ANKRD31: variants seen among roughly 807,000 people sequenced by gnomAD.
ANKRD31 encodes ankyrin repeat domain 31.
ANKRD31 carries 147 observed loss-of-function variants against 186.0 expected under a neutral mutation model. That is an observed-to-expected ratio of 0.79 (90% CI 0.69 to 0.91). The LOEUF is 0.91. ANKRD31 is among the 40% of genes least tolerant of loss of function. The pLI, the probability that ANKRD31 is intolerant of heterozygous loss-of-function variation, is 0.00. For synonymous variants in ANKRD31, 673 were observed against 736.4 expected (o/e 0.91, Z 1.39); for missense variants, 1,986 against 2,148.8 (o/e 0.92, Z 1.50).
At position 75,114,444 on chromosome 5, in the gene ANKRD31, C is replaced by T. The variant is rs141401078; in HGVS notation, c.4156-1844G>A. ...TTAACCACATAGCATAACTTCCAGCCCATTCTGTTCACCATCTTATCTTTT... is the reference window on the plus strand; with the variant it reads ...TTAACCACATAGCATAACTTCCAGCTCATTCTGTTCACCATCTTATCTTTT... On this transcript the variant is annotated intron_variant, in intron 19 of 25. Transcript: ENST00000506364. Among the ~76,000 whole-genome samples, 113 of 152,218 alleles carry T rather than the reference C, an allele frequency of 7.4e-4. 1 individual carries two copies. Among genetic ancestry groups the T allele is most frequent in the African/African-American group, 2.6e-3 (107 of 41,546 alleles).
chr5:75,149,093 C>T (rs1751683405), intron 12 of ANKRD31, among the ~76,000 whole-genome samples: 1 of 151,786 alleles, frequency 6.6e-6, no homozygotes, highest in Non-Finnish European at 1.5e-5. Flanking sequence ...ATGGAAAAGG[C>T]CAACCGTCTT....
chr5:75,097,626 C>T (rs76876641), intron 22 of ANKRD31, among the ~76,000 whole-genome samples: 77,186 of 151,976 alleles, frequency 0.51, 22,666 homozygotes, highest in African/African-American at 0.82. Flanking sequence ...ACTCTGATGG[C>T]AGTTTCTTTT....
intron 1 of ANKRD31, among the ~76,000 whole-genome samples, chr5:75,232,141 CA>C (rs1393181564): frequency 6.6e-6 from 1 of 152,126 alleles, no homozygotes; most frequent in African/African-American, 2.4e-5. Context: ...TGAATTATAC[CA>C]TAGCTATAGT....
At chr5:75,162,506 G>A (rs181512008) in intron 11 of ANKRD31, among the ~76,000 whole-genome samples, 26 of 152,268 alleles carry the variant, frequency 1.7e-4, no homozygotes, top group South Asian at 8.3e-4. Context: ...ATGAGACTTC[G>A]GACTGTGGAC....
At chr5:75,074,201 C>A (rs1473929044) in intron 25 of ANKRD31, among the ~76,000 whole-genome samples, 1 of 152,186 alleles carries the variant, frequency 6.6e-6, no homozygotes. Flanking sequence ...CATGTCAGAT[C>A]ACAAAGCATA....
intron 17 of ANKRD31, among the ~76,000 whole-genome samples, chr5:75,132,320 TAAATAACCTG>T (rs936771212): frequency 6.6e-6 from 1 of 152,112 alleles, no homozygotes; most frequent in African/African-American, 2.4e-5. Flanking sequence ...GAGAAGACCT[TAAATAACCTG>T]ATGGAGCTGA....
intron 25 of ANKRD31, among the ~76,000 whole-genome samples, chr5:75,071,863 A>G (rs114816256): frequency 0.049 from 7,529 of 152,254 alleles, 448 homozygotes; most frequent in African/African-American, 0.14. Context: ...TTTTGACACC[A>G]TGGCACTGGC....
intron 21 of ANKRD31, 28 bp downstream of exon 21, chr5:75,107,493 C>A: frequency 7.1e-7 from 1 of 1,400,234 alleles, no homozygotes; most frequent in Non-Finnish European, 9.6e-7. Context: ...AACTCAAAAG[C>A]ACTCTTTTTT....
chr5:75,223,095 G>GA (rs1239722554), intron 2 of ANKRD31, among the ~76,000 whole-genome samples: 2 of 152,146 alleles, frequency 1.3e-5, no homozygotes, highest in African/African-American at 4.8e-5. Context: ...TCACAGCCTT[G>GA]ACAGCATCTA....
intron 25 of ANKRD31, among the ~76,000 whole-genome samples, chr5:75,075,118 A>C (rs533006081): frequency 3.3e-5 from 5 of 152,224 alleles, no homozygotes; most frequent in Admixed American, 6.5e-5. Context: ...ATAACCTGTA[A>C]CTACTGCAGC....
chr5:75,200,992 G>C (rs1755789161), intron 5 of ANKRD31, among the ~76,000 whole-genome samples: 1 of 151,798 alleles, frequency 6.6e-6, no homozygotes, highest in African/African-American at 2.4e-5. Context: ...GGAATTTCAA[G>C]CATATATCTG....
intron 17 of ANKRD31, among the ~76,000 whole-genome samples, chr5:75,131,077 G>C (rs1749762313): frequency 6.6e-6 from 1 of 150,516 alleles, no homozygotes; most frequent in South Asian, 2.1e-4. Context: ...GCCAAGTGCA[G>C]GGTCCACCGA....
At chr5:75,171,168 T>A (rs1000663871) in intron 10 of ANKRD31, among the ~76,000 whole-genome samples, 1 of 151,996 alleles carries the variant, frequency 6.6e-6, no homozygotes, top group Admixed American at 6.6e-5. Flanking sequence ...AACTAAAGAA[T>A]AAACATTCAA....
chr5:75,113,419 A>G (rs1747938022), intron 19 of ANKRD31, among the ~76,000 whole-genome samples: 2 of 152,218 alleles, frequency 1.3e-5, no homozygotes, highest in African/African-American at 2.4e-5. Context: ...TCGGTGCTAC[A>G]TAATTTAACA....
At chr5:75,217,789 C>T (rs942337708) in intron 3 of ANKRD31, among the ~76,000 whole-genome samples, 6 of 152,000 alleles carry the variant, frequency 3.9e-5, no homozygotes, top group African/African-American at 7.2e-5. Context: ...TGGATTTGAT[C>T]CTGTCATCAT....
At chr5:75,114,589 CA>C (rs1321677994) in intron 19 of ANKRD31, among the ~76,000 whole-genome samples, 1 of 152,040 alleles carries the variant, frequency 6.6e-6, no homozygotes, top group Non-Finnish European at 1.5e-5. Context: ...GTACAAAAAT[CA>C]CAAGCATTCT....
intron 5 of ANKRD31, among the ~76,000 whole-genome samples, chr5:75,203,391 C>T (rs903648553): frequency 3.0e-4 from 45 of 152,026 alleles, no homozygotes; most frequent in Non-Finnish European, 3.7e-4. Context: ...AGGCCGGGCG[C>T]GGTGGCTTAC....
chr5:75,074,663 C>T (rs1380804350), intron 25 of ANKRD31, among the ~76,000 whole-genome samples: 1 of 152,184 alleles, frequency 6.6e-6, no homozygotes, highest in Non-Finnish European at 1.5e-5. Context: ...GTACACCAAA[C>T]ATCTGGGTTA....
rs1470861389 is a variant in ANKRD31, at chr5:75,068,634, G to A, written c.5678C>T (p.Pro1893Leu). 4 of 1,518,688 alleles carry A rather than the reference G, an allele frequency of 2.6e-6. No individual in the cohort carries two copies. Among genetic ancestry groups the A allele is most frequent in the Non-Finnish European group, 3.5e-6 (4 of 1,139,382 alleles). 94.1% of individuals were successfully genotyped at this position (1,518,688 alleles called of 1,614,324 possible). A position where few individuals can be genotyped will look rare whatever the true frequency, so the allele number is the denominator to read the frequency against. The change falls in exon 26 of 26, where the codon CCA (proline) becomes CTA (leucine). Residue 1893 changes from proline (P) to leucine (L), a missense_variant. Coordinates refer to ENST00000506364, the MANE Select transcript of ANKRD31 (RefSeq NM_001372053.1). ...GTSRESMQSS[P>L]RYLQINEILL... ...TATTTCATTTATTTGTAGATAACGT[G>A]GGCTGCTTTGCATTGACTCTCTGGA...
Sources: allele counts gnomAD v4.1 joint callset (sites outside exome capture counted in the v4.1 genomes callset), GRCh38; gene constraint gnomAD v4.1.1; transcripts MANE v1.5; gene names NCBI Gene and HGNC (gene_info 2026-07-23, HGNC 2026-07-21).